SLC12A7: variants seen among roughly 807,000 people sequenced by gnomAD.
The protein encoded by SLC12A7 is K-Cl cotransporter 4.
SLC12A7 carries 100 observed loss-of-function variants against 120.6 expected under a neutral mutation model. That is an observed-to-expected ratio of 0.83 (90% CI 0.71 to 0.98). SLC12A7 has a LOEUF of 0.98. Among genes scored for constraint, SLC12A7 ranks in the 50% least tolerant of loss-of-function variants. SLC12A7 has a pLI of 0.00. For missense variants in SLC12A7, 1,373 were observed against 1,548.1 expected, an observed-to-expected ratio of 0.89 and a Z score of 1.90; for synonymous variants, 760 against 678.0, an observed-to-expected ratio of 1.12 and a Z score of -1.88.
At chr5:1,061,183 C>T (rs1333643711) in intron 20 of SLC12A7, among the ~76,000 whole-genome samples, 1 of 29,048 alleles carries the variant, frequency 3.4e-5, no homozygotes, top group African/African-American at 4.6e-5. Context: ...GCGTCTCACC[C>T]ACCGCACCCG....
At chr5:1,089,641 G>A (rs560904186) in intron 3 of SLC12A7, among the ~76,000 whole-genome samples, 121 of 151,958 alleles carry the variant, frequency 8.0e-4, no homozygotes, top group Non-Finnish European at 1.4e-3. Context: ...TCTTAACCGG[G>A]CACGGAGGTC....
intron 10 of SLC12A7, 124 bp downstream of exon 10, chr5:1,079,274 G>T: frequency 1.3e-6 from 1 of 741,870 alleles, no homozygotes. Flanking sequence ...GACGTGGTGA[G>T]AGCACAGCCT....
the SLC12A7 span, among the ~76,000 whole-genome samples, chr5:1,155,470 C>T: frequency 6.6e-6 from 1 of 150,554 alleles, no homozygotes; most frequent in African/African-American, 2.4e-5. Context: ...CCTGCAGGCC[C>T]CGGACAGGGC....
Position 1,063,141 on chromosome 5 carries a change from A to G in SLC12A7, c.2739+703T>C, listed in dbSNP as rs374067577. ...CTCCAATGCCAGGCCTCCGCCCATC[A>G]ACCCCGTCCTCTCCAGGCGTGAAGG... is the stretch of plus-strand genomic sequence containing the variant. On this transcript the variant is annotated intron_variant, in intron 20 of 23. Transcript: ENST00000264930. 5.9e-4 allele frequency among the ~76,000 whole-genome samples: 90 copies of G among 152,294 alleles called. 1 individual carries two copies. Among genetic ancestry groups the G allele is most frequent in the African/African-American group, 2.1e-3 (88 of 41,568 alleles).
chr5:1,076,942 T>C (rs1324214576), intron 12 of SLC12A7, 130 bp from the exon 13 acceptor site: 13 of 686,206 alleles, frequency 1.9e-5, no homozygotes, highest in Non-Finnish European at 2.9e-5. Context: ...TCACAGTAGG[T>C]CCCCGGGACA....
intron 23 of SLC12A7, 65 bp downstream of exon 23, chr5:1,053,284 G>A: frequency 6.4e-7 from 1 of 1,564,834 alleles, no homozygotes; most frequent in South Asian, 1.2e-5. Flanking sequence ...CACAAACCCA[G>A]GTCTTAGCGA....
At chr5:1,098,269 AG>A (rs72241551) in intron 1 of SLC12A7, among the ~76,000 whole-genome samples, 13 of 13,272 alleles carry the variant, frequency 9.8e-4, no homozygotes, top group South Asian at 3.2e-3. Context: ...CTGCACGCCC[AG>A]GCCCCCACAA....
At chr5:1,082,631 G>C (rs1301079331) in intron 8 of SLC12A7, among the ~76,000 whole-genome samples, 3 of 136,316 alleles carry the variant, frequency 2.2e-5, no homozygotes, top group Non-Finnish European at 3.1e-5. Flanking sequence ...GTTCTGGAAA[G>C]TCCGGGCTTC....
the SLC12A7 span, among the ~76,000 whole-genome samples, chr5:1,118,104 A>C: frequency 6.6e-6 from 1 of 152,148 alleles, no homozygotes; most frequent in African/African-American, 2.4e-5. Context: ...CTGATCCCAA[A>C]TGTGTGGGGA....
the SLC12A7 span, among the ~76,000 whole-genome samples, chr5:1,153,000 T>G: frequency 6.6e-6 from 1 of 152,236 alleles, no homozygotes; most frequent in Admixed American, 6.5e-5. Context: ...TAAACTTGGT[T>G]TACATTGTCT....
At chr5:1,069,513 C>T (rs1354648106) in intron 17 of SLC12A7, among the ~76,000 whole-genome samples, 1 of 152,222 alleles carries the variant, frequency 6.6e-6, no homozygotes, top group Non-Finnish European at 1.5e-5. Flanking sequence ...GGGGCACCCG[C>T]ATGGGAGGGA....
chr5:1,155,781 C>A, the SLC12A7 span, among the ~76,000 whole-genome samples: 1 of 150,662 alleles, frequency 6.6e-6, no homozygotes, highest in African/African-American at 2.4e-5. Flanking sequence ...CCGGCGGGGG[C>A]TCGGGGTGGG....
intron 22 of SLC12A7, 164 bp downstream of exon 22, chr5:1,057,307 G>A: frequency 1.5e-6 from 1 of 680,066 alleles, no homozygotes; most frequent in Admixed American, 2.9e-5. Context: ...GCACCAAAAG[G>A]ACCCCTCAGT....
chr5:1,147,042 C>T, the SLC12A7 span, among the ~76,000 whole-genome samples: 433 of 152,300 alleles, frequency 2.8e-3, 2 homozygotes, highest in African/African-American at 9.8e-3. Context: ...AGGCTTATTT[C>T]GTTCACACAA....
intron 1 of SLC12A7, among the ~76,000 whole-genome samples, chr5:1,104,030 G>C (rs1444755963): frequency 6.6e-6 from 1 of 152,228 alleles, no homozygotes; most frequent in Non-Finnish European, 1.5e-5. Flanking sequence ...GGCCCTCCCA[G>C]GGCGGCTCCT....
chr5:1,124,434 G>T, the SLC12A7 span, among the ~76,000 whole-genome samples: 4 of 152,222 alleles, frequency 2.6e-5, no homozygotes, highest in Non-Finnish European at 5.9e-5. Flanking sequence ...CAGAGAAACA[G>T]CTGCAGCCTC....
intron 18 of SLC12A7, 102 bp downstream of exon 18, chr5:1,065,178 ACAG>A: frequency 2.0e-6 from 2 of 979,078 alleles, no homozygotes; most frequent in Non-Finnish European, 1.5e-6. Flanking sequence ...CAGTGAGAGG[ACAG>A]CGAGGGGACA....
intron 2 of SLC12A7, 83 bp from the exon 3 acceptor site, chr5:1,093,738 G>GCTCA: frequency 6.3e-7 from 1 of 1,575,606 alleles, no homozygotes; most frequent in Non-Finnish European, 8.6e-7. Flanking sequence ...AGGGTGTGGA[G>GCTCA]CTCAGGCCCT....
intron 1 of SLC12A7, among the ~76,000 whole-genome samples, chr5:1,109,451 G>C (rs551640814): frequency 6.6e-6 from 1 of 152,270 alleles, no homozygotes; most frequent in East Asian, 1.9e-4. Context: ...TTCAAGACGA[G>C]GTATTTCACA....
Sources: gnomAD v4.1 joint callset for allele counts (sites outside exome capture counted in the v4.1 genomes callset) on GRCh38, gnomAD v4.1.1 for gene constraint, MANE v1.5 for transcripts, NCBI Gene and HGNC (gene_info 2026-07-23, HGNC 2026-07-21) for gene names.